PEAK1: variants seen among roughly 807,000 people sequenced by gnomAD.
PEAK1 encodes pseudopodium enriched atypical kinase 1.
PEAK1 carries 54 observed loss-of-function variants against 124.7 expected under a neutral mutation model. That is an observed-to-expected ratio of 0.43 (90% CI 0.35 to 0.54). PEAK1 has a LOEUF of 0.54. Ranked by LOEUF, PEAK1 falls within the 20% of genes least tolerant of loss-of-function variation. The pLI, the probability that PEAK1 is intolerant of heterozygous loss-of-function variation, is 0.01. For synonymous variants in PEAK1, 719 were observed against 760.0 expected (o/e 0.95, Z 0.89); for missense variants, 2,046 against 2,134.5 (o/e 0.96, Z 0.82).
intron 1 of PEAK1, among the ~76,000 whole-genome samples, chr15:77,386,666 G>A (rs1597548800): frequency 6.6e-6 from 1 of 152,192 alleles, no homozygotes; most frequent in East Asian, 1.9e-4. Flanking sequence ...AGATAGAAGG[G>A]CCTTGATTTA....
intron 2 of PEAK1, among the ~76,000 whole-genome samples, chr15:77,291,629 T>C (rs1241137912): frequency 6.6e-6 from 1 of 152,082 alleles, no homozygotes; most frequent in Non-Finnish European, 1.5e-5. Context: ...GAATCATCCA[T>C]CTGGTGTAAA....
At chr15:77,205,288 AAAG>A (rs1273458785) in intron 6 of PEAK1, among the ~76,000 whole-genome samples, 2 of 151,656 alleles carry the variant, frequency 1.3e-5, no homozygotes, top group Non-Finnish European at 2.9e-5. Flanking sequence ...AAAAAAAAAA[AAAG>A]AAGTTAAATA....
intron 6 of PEAK1, among the ~76,000 whole-genome samples, chr15:77,236,482 C>T (rs2060130706): frequency 6.6e-6 from 1 of 152,180 alleles, no homozygotes; most frequent in African/African-American, 2.4e-5. Context: ...GGTGTATTTA[C>T]CCAATTCCTG....
At position 77,109,667 on chromosome 15, in the gene PEAK1, A is replaced by T. The variant is rs2050874061; in HGVS notation, c.*4489T>A. The T allele has an allele frequency of 6.6e-6, 1 of 152,208 alleles. No homozygotes were observed. Among genetic ancestry groups the T allele is most frequent in the Non-Finnish European group, 1.5e-5 (1 of 68,040 alleles). 9.4% of individuals were successfully genotyped at this position (152,208 alleles called of 1,614,324 possible). ...GCACTTGGATTTGTCTCGGCACAGCACTTTGGGCCTTTGAGAATATGAGCT... is the reference window on the plus strand; with the variant it reads ...GCACTTGGATTTGTCTCGGCACAGCTCTTTGGGCCTTTGAGAATATGAGCT... On this transcript the variant is annotated 3_prime_UTR_variant, in exon 10 of 10. Transcript: ENST00000682557.
At chr15:77,188,391 CTAATTTTT>C (rs1168318803) in intron 6 of PEAK1, among the ~76,000 whole-genome samples, 1 of 152,168 alleles carries the variant, frequency 6.6e-6, no homozygotes, top group Non-Finnish European at 1.5e-5. Context: ...TCAGTTCCAA[CTAATTTTT>C]AAATTCAAAC....
intron 6 of PEAK1, among the ~76,000 whole-genome samples, chr15:77,216,767 T>G (rs1449629581): frequency 6.6e-6 from 1 of 152,166 alleles, no homozygotes; most frequent in African/African-American, 2.4e-5. Flanking sequence ...GCTGAAAAAT[T>G]AAAGTTGAGC....
At chr15:77,312,821 GT>G (rs1200964324) in intron 2 of PEAK1, among the ~76,000 whole-genome samples, 1 of 152,188 alleles carries the variant, frequency 6.6e-6, no homozygotes, top group Non-Finnish European at 1.5e-5. Flanking sequence ...GTACTTACAT[GT>G]CCCTGGCCAG....
At chr15:77,399,321 TA>T (rs1377600856) in intron 1 of PEAK1, among the ~76,000 whole-genome samples, 12 of 152,080 alleles carry the variant, frequency 7.9e-5, no homozygotes, top group Non-Finnish European at 1.5e-5. Flanking sequence ...AAAACAATTC[TA>T]AAATTTATAT....
At position 77,114,539 on chromosome 15, in the gene PEAK1, A is replaced by G. The variant is rs756335069; in HGVS notation, c.4858T>C (p.Tyr1620His). 6.2e-7 allele frequency: 1 copy of G among 1,614,080 alleles called. No individual in the cohort carries two copies. Among genetic ancestry groups the G allele is most frequent in the East Asian group, 2.2e-5 (1 of 44,858 alleles). Residue 1620 changes from tyrosine (Y) to histidine (H), a missense_variant, in exon 10 of 10, where the codon TAC becomes CAC. Physicochemically the swap from Tyr to His is moderately conservative, Grantham distance 83. Coordinates refer to ENST00000682557, the MANE Select transcript of PEAK1 (RefSeq NM_001385026.1). ...DENPELKERE[Y>H]TRADLPRIPF... The stretch of plus-strand genomic sequence containing the variant: ...ATGCGAGGCAGGTCTGCTCGTGTGT[A>G]TTCCCTCTCCTTCAGCTCTGGGTTC...
intron 5 of PEAK1, among the ~76,000 whole-genome samples, chr15:77,254,215 T>A (rs1252979244): frequency 6.6e-6 from 1 of 152,130 alleles, no homozygotes; most frequent in Non-Finnish European, 1.5e-5. Flanking sequence ...ATTCTGTGAG[T>A]TATGTTTTTG....
chr15:77,207,824 T>C (rs188517528), intron 6 of PEAK1, among the ~76,000 whole-genome samples: 12 of 152,330 alleles, frequency 7.9e-5, no homozygotes, highest in Non-Finnish European at 1.5e-4. Context: ...AAAATCCTTA[T>C]GTAAACTATG....
At chr15:77,401,245 T>C (rs941719661) in intron 1 of PEAK1, among the ~76,000 whole-genome samples, 10 of 152,168 alleles carry the variant, frequency 6.6e-5, no homozygotes, top group Admixed American at 5.2e-4. Flanking sequence ...TTCACAATAA[T>C]ATCATCAAAC....
chr15:77,367,210 C>T (rs963094546), intron 1 of PEAK1, among the ~76,000 whole-genome samples: 2 of 152,146 alleles, frequency 1.3e-5, no homozygotes, highest in East Asian at 3.9e-4. Flanking sequence ...ATTAAAACTG[C>T]TTATCAAAGA....
chr15:77,151,742 T>C (rs995726576), intron 8 of PEAK1, among the ~76,000 whole-genome samples: 1 of 152,202 alleles, frequency 6.6e-6, no homozygotes, highest in African/African-American at 2.4e-5. Flanking sequence ...TAGCCAGTTT[T>C]CCCAGCACCA....
intron 2 of PEAK1, among the ~76,000 whole-genome samples, chr15:77,324,942 C>A (rs1033269083): frequency 4.6e-5 from 7 of 152,152 alleles, no homozygotes; most frequent in South Asian, 4.1e-4. Context: ...CTTCTAATAT[C>A]AGACCCACAA....
intron 2 of PEAK1, among the ~76,000 whole-genome samples, chr15:77,314,391 C>CA (rs2064740584): frequency 6.6e-6 from 1 of 151,486 alleles, no homozygotes; most frequent in South Asian, 2.1e-4. Context: ...TTTTTTAAGA[C>CA]AGAGTTTCTC....
rs528745376 is a variant in PEAK1, at chr15:77,397,162, G to T, written c.-666+22844C>A. On this transcript the variant is annotated intron_variant, in intron 1 of 9. Transcript: ENST00000682557. ...AGAAATCAATAACAAGAGGAATTTT[G>T]TAAACTATATAAACACAAAGAAAGT... Among the ~76,000 whole-genome samples, 48 of 152,260 alleles carry T rather than the reference G, an allele frequency of 3.2e-4. 1 individual carries two copies. In the South Asian group the frequency reaches 8.7e-3, roughly 28 times the overall value.
intron 6 of PEAK1, among the ~76,000 whole-genome samples, chr15:77,243,908 C>T (rs769155319): frequency 2.6e-5 from 4 of 151,506 alleles, no homozygotes; most frequent in Admixed American, 6.6e-5. Flanking sequence ...GGGGAGGTTG[C>T]GGTGAGCTGA....
At chr15:77,339,723 C>A (rs1164421723) in intron 2 of PEAK1, among the ~76,000 whole-genome samples, 3 of 152,114 alleles carry the variant, frequency 2.0e-5, no homozygotes. Flanking sequence ...AAGTCACATA[C>A]TGAGAGAAAA....
Sources: gnomAD v4.1 joint callset for allele counts (sites outside exome capture counted in the v4.1 genomes callset) on GRCh38, gnomAD v4.1.1 for gene constraint, MANE v1.5 for transcripts, NCBI Gene and HGNC (gene_info 2026-07-23, HGNC 2026-07-21) for gene names.